Variants in MBOAT1 observed in about 807,000 individuals in gnomAD.
MBOAT1 encodes membrane bound glycerophospholipid O-acyltransferase 1.
In MBOAT1, 67 loss-of-function variants were observed where a neutral mutation model predicts 64.4. The ratio of observed to expected loss-of-function variants is 1.04; its 90% CI spans 0.85 to 1.27. MBOAT1 has a LOEUF of 1.27. Ranked by LOEUF, MBOAT1 falls within the 50% of genes most tolerant of loss-of-function variation. The probability of loss-of-function intolerance (pLI) is 0.00; values close to 1 mark genes in which losing one functional copy is unlikely to be tolerated. For missense variants in MBOAT1, 563 were observed against 604.6 expected (o/e 0.93, Z 0.72); for synonymous variants, 229 against 218.9 (o/e 1.05, Z -0.41).
At chr6:20,123,981 C>G (rs1361059491) in intron 8 of MBOAT1, among the ~76,000 whole-genome samples, 1 of 152,212 alleles carries the variant, frequency 6.6e-6, no homozygotes, top group East Asian at 1.9e-4. Context: ...GGCATTAACC[C>G]AGGAGGTGGA....
intron 10 of MBOAT1, among the ~76,000 whole-genome samples, chr6:20,113,653 G>C (rs1760238168): frequency 6.6e-6 from 1 of 151,952 alleles, no homozygotes; most frequent in Non-Finnish European, 1.5e-5. Flanking sequence ...GCAAATGTCA[G>C]CAAATACCCT....
At chr6:20,131,948 A>G (rs1760841884) in intron 4 of MBOAT1, among the ~76,000 whole-genome samples, 1 of 149,606 alleles carries the variant, frequency 6.7e-6, no homozygotes, top group East Asian at 2.0e-4. Context: ...AGTGGCATAA[A>G]CATGGCTCAC....
intron 6 of MBOAT1, 144 bp from the exon 7 acceptor site, chr6:20,126,844 G>C: frequency 1.4e-6 from 1 of 692,340 alleles, no homozygotes; most frequent in Non-Finnish European, 2.4e-6. Context: ...AAAGTCAGCC[G>C]AGGAGAAATC....
intron 8 of MBOAT1, among the ~76,000 whole-genome samples, chr6:20,123,471 A>T (rs1056278124): frequency 2.6e-5 from 4 of 152,344 alleles, no homozygotes; most frequent in Middle Eastern, 3.4e-3. Flanking sequence ...TTTATAGCTC[A>T]TGTTAGTAAA....
Position 20,109,758 on chromosome 6 carries a change from C to T in MBOAT1, c.1210-9G>A. 1 of 1,611,664 alleles carries T rather than the reference C, an allele frequency of 6.2e-7. No individual in the cohort carries two copies. On this transcript the variant is annotated splice_polypyrimidine_tract_variant and intron_variant, in intron 11 of 12. Transcript: ENST00000324607. ...CTGTAGTTGTTCCTGACCTGCAGGC[C>T]AACACAGGCAACAGTAGTGAGGAGG...
intron 1 of MBOAT1, among the ~76,000 whole-genome samples, chr6:20,184,331 T>C (rs1561780324): frequency 6.6e-6 from 1 of 151,880 alleles, no homozygotes; most frequent in Non-Finnish European, 1.5e-5. Context: ...CCCATGCAGA[T>C]GGGGTTGGTG....
At chr6:20,119,870 G>A (rs1760441743) in intron 8 of MBOAT1, among the ~76,000 whole-genome samples, 1 of 152,164 alleles carries the variant, frequency 6.6e-6, no homozygotes, top group Non-Finnish European at 1.5e-5. Context: ...ACCAGAGCCA[G>A]GCTGACCGTC....
Position 20,151,176 on chromosome 6 carries a change from G to C in MBOAT1, c.323+9C>G. ...TCTCACCTTGCATTGTTCATTCCCAGTATCTTACCTGTGAATATTGGATAC... is the reference window on the plus strand; with the variant it reads ...TCTCACCTTGCATTGTTCATTCCCACTATCTTACCTGTGAATATTGGATAC... On this transcript the variant is annotated intron_variant, in intron 3 of 12. Transcript: ENST00000324607. 1 of 1,594,496 alleles carries C rather than the reference G, an allele frequency of 6.3e-7. No individual in the cohort carries two copies. Among genetic ancestry groups the C allele is most frequent in the Non-Finnish European group, 8.6e-7 (1 of 1,164,148 alleles).
chr6:20,150,741 GTT>G (rs202226295), intron 3 of MBOAT1, among the ~76,000 whole-genome samples: 1 of 140,876 alleles, frequency 7.1e-6, no homozygotes. Context: ...TTTTTTTTGG[GTT>G]TTTTTTTTTT....
chr6:20,152,382 TTAA>T lies in MBOAT1; in HGVS notation c.245+239_245+241del, dbSNP rs1369220259. ...ATAAATAAATTAATTAATTAATTAA[TTAA>T]TTAAAAAAAAGAAAAAGTGAACTAT... On this transcript the variant is annotated intron_variant, in intron 2 of 12. Transcript: ENST00000324607. 9.6e-3 allele frequency among the ~76,000 whole-genome samples: 1,101 copies of T among 114,698 alleles called. 11 individuals are homozygous for T. Among genetic ancestry groups the T allele is most frequent in the African/African-American group, 0.032 (1,013 of 31,962 alleles). The allele number at this position is 114,698 out of a possible 152,430, so 75.2% of individuals were successfully genotyped here. A position where few individuals can be genotyped will look rare whatever the true frequency, so the allele number is the denominator to read the frequency against.
Position 20,126,535 on chromosome 6 carries a change from C to A in MBOAT1, c.696G>T (p.Leu232Phe), listed in dbSNP as rs1395181103. 2 of 1,610,004 alleles carry A rather than the reference C, an allele frequency of 1.2e-6. No individual in the cohort carries two copies. The highest frequency in any genetic ancestry group is 1.1e-5 in the South Asian group (1 of 89,796). The change falls in exon 7 of 13, where the codon TTG (leucine) becomes TTT (phenylalanine). Residue 232 changes from leucine (L) to phenylalanine (F), a missense_variant. Transcript: ENST00000324607. Reference sequence around the variant, plus strand: ...AACTTACTGTGGGAGAAGGTTCTGGCAAGCTGTGGAAACCTTTTCGCTTCC... The same window carrying A: ...AACTTACTGTGGGAGAAGGTTCTGGAAAGCTGTGGAAACCTTTTCGCTTCC... The part of the protein sequence containing the change: ...VNWKRKGFHS[L>F]PEPSPTGAVI...
intron 1 of MBOAT1, among the ~76,000 whole-genome samples, chr6:20,177,744 A>G (rs1391396283): frequency 6.8e-6 from 1 of 146,284 alleles, no homozygotes; most frequent in Non-Finnish European, 1.5e-5. Flanking sequence ...ACTGTGCTCC[A>G]GCCTGGGCAA....
At chr6:20,123,157 A>C (rs920861776) in intron 8 of MBOAT1, among the ~76,000 whole-genome samples, 12 of 152,152 alleles carry the variant, frequency 7.9e-5, no homozygotes, top group African/African-American at 2.2e-4. Flanking sequence ...TTTTAAAAAA[A>C]AAGTAATTTG....
At chr6:20,208,395 G>A (rs1055543797) in intron 1 of MBOAT1, among the ~76,000 whole-genome samples, 27 of 132,238 alleles carry the variant, frequency 2.0e-4, no homozygotes, top group African/African-American at 7.1e-4. Flanking sequence ...GCACTGAGCC[G>A]AGATCGTGCC....
At chr6:20,205,430 G>C (rs369140733) in intron 1 of MBOAT1, among the ~76,000 whole-genome samples, 2 of 152,158 alleles carry the variant, frequency 1.3e-5, no homozygotes, top group Non-Finnish European at 2.9e-5. Flanking sequence ...CAACAGGAAG[G>C]CTAAAGCTCC....
At position 20,179,891 on chromosome 6, in the gene MBOAT1, G is replaced by A. The variant is rs183779409; in HGVS notation, c.100-27122C>T. On this transcript the variant is annotated intron_variant, in intron 1 of 12. Coordinates refer to ENST00000324607, the MANE Select transcript of MBOAT1 (RefSeq NM_001080480.3). The stretch of plus-strand genomic sequence containing the variant: ...GATGCTATCTCATTGTGGTTTCGAT[G>A]TGCATTTCTCGAAAGATCAGTGATG... Among the ~76,000 whole-genome samples the A allele has an allele frequency of 9.3e-5, 14 of 150,914 alleles. No individual in the cohort carries two copies. The East Asian group carries it at 2.6e-3, about 28-fold the overall frequency.
At chr6:20,211,427 CT>C (rs1270170347) in intron 1 of MBOAT1, among the ~76,000 whole-genome samples, 1 of 152,140 alleles carries the variant, frequency 6.6e-6, no homozygotes, top group African/African-American at 2.4e-5. Context: ...GTAAGACGGG[CT>C]TCATCTTCAG....
chr6:20,165,216 G>A (rs1178303325), intron 1 of MBOAT1, among the ~76,000 whole-genome samples: 14 of 152,134 alleles, frequency 9.2e-5, no homozygotes, highest in East Asian at 3.9e-4. Context: ...TAAGGAAACC[G>A]GTACATAGAG....
intron 4 of MBOAT1, among the ~76,000 whole-genome samples, chr6:20,142,609 C>T (rs1466568058): frequency 3.3e-5 from 5 of 152,034 alleles, no homozygotes; most frequent in African/African-American, 1.2e-4. Flanking sequence ...GCCATGACAC[C>T]CAGCTAATTT....
Sources: gnomAD v4.1 joint callset for allele counts (sites outside exome capture counted in the v4.1 genomes callset) on GRCh38, gnomAD v4.1.1 for gene constraint, MANE v1.5 for transcripts, NCBI Gene and HGNC (gene_info 2026-07-23, HGNC 2026-07-21) for gene names.